Variants in CSMD1 observed in about 807,000 individuals in gnomAD.
The protein encoded by CSMD1 is CUB and Sushi multiple domains 1.
In CSMD1, 213 loss-of-function variants were observed where a neutral mutation model predicts 417.5. That is an observed-to-expected ratio of 0.51 (90% CI 0.46 to 0.57). CSMD1 has a LOEUF of 0.57. CSMD1 is among the 20% of genes least tolerant of loss of function. The pLI, the probability that CSMD1 is intolerant of heterozygous loss-of-function variation, is 0.00. For missense variants in CSMD1, 6,923 were observed against 4,529.7 expected (o/e 1.53, Z -15.17); for synonymous variants, 2,862 against 1,736.8 (o/e 1.65, Z -16.11).
At chr8:3,571,927 T>A (rs1311450977) in intron 10 of CSMD1, among the ~76,000 whole-genome samples, 1 of 152,140 alleles carries the variant, frequency 6.6e-6, no homozygotes, top group African/African-American at 2.4e-5. Flanking sequence ...CAGGAAGAAG[T>A]GAAGTTACTG....
chr8:3,493,092 G>C (rs369404748), intron 11 of CSMD1, among the ~76,000 whole-genome samples: 175 of 152,068 alleles, frequency 1.2e-3, no homozygotes, highest in Middle Eastern at 0.01. Context: ...TCAGGAGTTC[G>C]AGACCAACCG....
At chr8:3,254,745 C>A (rs1021770309) in intron 26 of CSMD1, among the ~76,000 whole-genome samples, 4 of 152,126 alleles carry the variant, frequency 2.6e-5, no homozygotes, top group Non-Finnish European at 5.9e-5. Context: ...GACTTCTGTG[C>A]ATTGGTTATT....
At chr8:4,034,761 C>G (rs1797529404) in intron 3 of CSMD1, among the ~76,000 whole-genome samples, 1 of 152,104 alleles carries the variant, frequency 6.6e-6, no homozygotes, top group South Asian at 2.1e-4. Context: ...ATCAACATGT[C>G]TTCTTAGGGT....
At chr8:3,785,507 C>A (rs1799410284) in intron 5 of CSMD1, among the ~76,000 whole-genome samples, 1 of 152,214 alleles carries the variant, frequency 6.6e-6, no homozygotes, top group South Asian at 2.1e-4. Flanking sequence ...ACATTAACGG[C>A]AGTCAAACAC....
At chr8:4,778,646 G>C (rs556660736) in intron 1 of CSMD1, among the ~76,000 whole-genome samples, 3 of 152,270 alleles carry the variant, frequency 2.0e-5, no homozygotes, top group Non-Finnish European at 2.9e-5. Flanking sequence ...ACCTTCATGG[G>C]AGTGGTCTAG....
intron 41 of CSMD1, among the ~76,000 whole-genome samples, chr8:3,125,327 A>C (rs1415621085): frequency 6.6e-6 from 1 of 152,240 alleles, no homozygotes; most frequent in African/African-American, 2.4e-5. Flanking sequence ...CACAGGTGTG[A>C]GAGGGCGAAG....
chr8:3,709,691 T>G (rs1441423074), intron 6 of CSMD1, among the ~76,000 whole-genome samples: 1 of 119,526 alleles, frequency 8.4e-6, no homozygotes, highest in African/African-American at 3.0e-5. Flanking sequence ...TTTTTTTTTT[T>G]TTTTTTTTTT....
chr8:3,022,379 G>A (rs1046199276), intron 51 of CSMD1, among the ~76,000 whole-genome samples: 5 of 152,256 alleles, frequency 3.3e-5, no homozygotes, highest in East Asian at 3.9e-4. Context: ...GAATGCACCC[G>A]CAATCCCACA....
In CSMD1 at chr8:4,966,209, CAAAAAAA is replaced by C. The variant is rs33941630; in HGVS notation, c.85+28116_85+28122del. Among the ~76,000 whole-genome samples, 63 of 89,136 alleles carry C rather than the reference CAAAAAAA, an allele frequency of 7.1e-4. 1 individual carries two copies. In the South Asian group the frequency reaches 0.015, roughly 22 times the overall value. The allele number at this position is 89,136 out of a possible 152,430, so 58.5% of individuals were successfully genotyped here. ...TGGAAGCCCGTCTCTACTAAATATA[CAAAAAAA>C]AAAAAAAAAAAAATTAGCTGGGTAT... On this transcript the variant is annotated intron_variant, in intron 1 of 69. Coordinates refer to ENST00000635120, the MANE Select transcript of CSMD1 (RefSeq NM_033225.6).
At chr8:3,924,916 ATTTCC>A in intron 5 of CSMD1, among the ~76,000 whole-genome samples, 1 of 152,130 alleles carries the variant, frequency 6.6e-6, no homozygotes, top group South Asian at 2.1e-4. Flanking sequence ...GTACCATTAT[ATTTCC>A]TTTATTTTTT....
At chr8:4,121,729 G>C (rs1802498222) in intron 3 of CSMD1, among the ~76,000 whole-genome samples, 1 of 151,542 alleles carries the variant, frequency 6.6e-6, no homozygotes, top group African/African-American at 2.4e-5. Flanking sequence ...CTAGAATTAT[G>C]GCAGCAAGGA....
At chr8:4,183,841 C>G (rs935731300) in intron 3 of CSMD1, among the ~76,000 whole-genome samples, 3 of 152,118 alleles carry the variant, frequency 2.0e-5, no homozygotes, top group Non-Finnish European at 4.4e-5. Flanking sequence ...CCTGGATTGC[C>G]CACCTACCAC....
chr8:3,119,578 A>G (rs1817076899), intron 41 of CSMD1, among the ~76,000 whole-genome samples: 1 of 152,172 alleles, frequency 6.6e-6, no homozygotes. Flanking sequence ...CTCATTAATG[A>G]GTAAGAATTA....
At chr8:4,724,458 T>A (rs539305411) in intron 1 of CSMD1, among the ~76,000 whole-genome samples, 3 of 152,074 alleles carry the variant, frequency 2.0e-5, no homozygotes, top group African/African-American at 7.2e-5. Flanking sequence ...ATATTTACAT[T>A]ACTTATAAGT....
intron 29 of CSMD1, among the ~76,000 whole-genome samples, chr8:3,218,330 G>C (rs1373688313): frequency 1.3e-5 from 2 of 152,130 alleles, no homozygotes; most frequent in African/African-American, 4.8e-5. Context: ...GGGAGGCCGA[G>C]GTGGGAGGAT....
intron 7 of CSMD1, among the ~76,000 whole-genome samples, chr8:3,685,088 G>A (rs753162356): frequency 1.6e-4 from 25 of 152,088 alleles, no homozygotes; most frequent in Non-Finnish European, 3.4e-4. Context: ...ATTATAAAAC[G>A]ATTTACTGGG....
chr8:3,312,804 G>A (rs371387612), intron 23 of CSMD1, among the ~76,000 whole-genome samples: 1 of 111,032 alleles, frequency 9.0e-6, no homozygotes, highest in African/African-American at 3.8e-5. Context: ...GTTCTCAAAG[G>A]CAGTTAGACT....
At position 3,245,709 on chromosome 8, in the gene CSMD1, C is replaced by A. The variant is rs373692435; in HGVS notation, c.4154-15478G>T. On this transcript the variant is annotated intron_variant, in intron 26 of 69. Transcript: ENST00000635120. Reference sequence around the variant, plus strand: ...AAGTTTATTTTTTCTTCATATAAAACCACAGCTACCACAGATGATCACCCC... The same window carrying A: ...AAGTTTATTTTTTCTTCATATAAAAACACAGCTACCACAGATGATCACCCC... Among the ~76,000 whole-genome samples, 285 of 152,282 alleles carry A rather than the reference C, an allele frequency of 1.9e-3. 1 individual carries two copies. The highest frequency in any genetic ancestry group is 6.8e-3 in the Middle Eastern group (2 of 294).
intron 3 of CSMD1, among the ~76,000 whole-genome samples, chr8:4,183,711 G>A (rs182808957): frequency 1.3e-5 from 2 of 152,292 alleles, no homozygotes; most frequent in African/African-American, 4.8e-5. Context: ...ACTATCAAAT[G>A]ATGAAAAATA....
Sources: allele counts gnomAD v4.1 joint callset (sites outside exome capture counted in the v4.1 genomes callset), GRCh38; gene constraint gnomAD v4.1.1; transcripts MANE v1.5; gene names NCBI Gene and HGNC (gene_info 2026-07-23, HGNC 2026-07-21).